Variants in PRKN observed in about 807,000 individuals in gnomAD.
PRKN encodes parkin RBR E3 ubiquitin protein ligase.
PRKN carries 56 observed loss-of-function variants against 59.5 expected under a neutral mutation model. That is an observed-to-expected ratio of 0.94 (90% confidence interval 0.76 to 1.18). PRKN has a LOEUF of 1.18. Among genes scored for constraint, PRKN ranks in the 50% most tolerant of loss-of-function variants. The pLI is 0.00. For synonymous variants in PRKN, 250 were observed against 222.1 expected (o/e 1.13, Z -1.12); for missense variants, 657 against 596.4 (o/e 1.10, Z -1.06).
intron 7 of PRKN, among the ~76,000 whole-genome samples, chr6:161,753,407 AG>A (rs1000625276): frequency 5.9e-5 from 9 of 152,112 alleles, no homozygotes; most frequent in Admixed American, 2.0e-4. Flanking sequence ...AGTGGGATGG[AG>A]GGGAAAAAAG....
chr6:162,421,883 A>T (rs1358190383), intron 2 of PRKN, among the ~76,000 whole-genome samples: 2 of 152,250 alleles, frequency 1.3e-5, no homozygotes, highest in African/African-American at 4.8e-5. Flanking sequence ...CTAAACTATT[A>T]AAGTATGTAT....
chr6:162,143,992 CATT>C (rs1333622825), intron 4 of PRKN, among the ~76,000 whole-genome samples: 1 of 152,136 alleles, frequency 6.6e-6, no homozygotes, highest in Non-Finnish European at 1.5e-5. Context: ...TTGAATAAGA[CATT>C]ATAAAAATTA....
At chr6:161,824,141 A>ACACC (rs376689816) in intron 6 of PRKN, among the ~76,000 whole-genome samples, 96 of 152,296 alleles carry the variant, frequency 6.3e-4, no homozygotes, top group African/African-American at 2.3e-3. Flanking sequence ...CTGTGTCCAC[A>ACACC]CACCCACCCA....
intron 1 of PRKN, among the ~76,000 whole-genome samples, chr6:162,496,542 A>C (rs1028968111): frequency 6.6e-6 from 1 of 152,184 alleles, no homozygotes; most frequent in Non-Finnish European, 1.5e-5. Flanking sequence ...TTGACTCCTC[A>C]GTAGATAATA....
chr6:161,569,104 C>T (rs563895170), intron 8 of PRKN, among the ~76,000 whole-genome samples: 43 of 152,342 alleles, frequency 2.8e-4, no homozygotes, highest in Non-Finnish European at 5.6e-4. Flanking sequence ...GCAGTGCTTG[C>T]TTCCTGCTTG....
chr6:162,720,633 G>A (rs897538067), intron 1 of PRKN, among the ~76,000 whole-genome samples: 1 of 150,950 alleles, frequency 6.6e-6, no homozygotes, highest in African/African-American at 2.4e-5. Context: ...TGTATTTTTA[G>A]TAGAGACGGG....
chr6:162,211,764 C>A (rs773767254), intron 3 of PRKN, among the ~76,000 whole-genome samples: 1 of 152,126 alleles, frequency 6.6e-6, no homozygotes, highest in Non-Finnish European at 1.5e-5. Flanking sequence ...CTTTAAGCAT[C>A]TTATTTCACC....
intron 1 of PRKN, among the ~76,000 whole-genome samples, chr6:162,637,105 A>C (rs963104770): frequency 6.6e-6 from 1 of 151,956 alleles, no homozygotes; most frequent in African/African-American, 2.4e-5. Flanking sequence ...AAAATAAAAA[A>C]AAATAGCCGG....
chr6:162,100,857 C>T (rs1168264698), intron 4 of PRKN, among the ~76,000 whole-genome samples: 1 of 151,984 alleles, frequency 6.6e-6, no homozygotes, highest in Non-Finnish European at 1.5e-5. Context: ...TTTCATATAC[C>T]TGTTGGCCAT....
intron 7 of PRKN, among the ~76,000 whole-genome samples, chr6:161,705,647 A>G (rs576424423): frequency 3.3e-5 from 5 of 152,310 alleles, no homozygotes; most frequent in African/African-American, 1.2e-4. Context: ...ATGGGAATAA[A>G]AGTACTAAGT....
chr6:161,443,149 A>T (rs931693778), intron 9 of PRKN, among the ~76,000 whole-genome samples: 3 of 151,984 alleles, frequency 2.0e-5, no homozygotes, highest in African/African-American at 7.3e-5. Flanking sequence ...CTCTACTAAA[A>T]ATACAAAATT....
chr6:162,488,027 CT>C (rs752587530), intron 1 of PRKN, among the ~76,000 whole-genome samples: 23,559 of 110,530 alleles, frequency 0.21, 2,467 homozygotes, highest in Middle Eastern at 0.24. Flanking sequence ...CACCATTTCC[CT>C]TTTTTTTTTT....
chr6:161,507,445 G>A (rs1243450934), intron 9 of PRKN, among the ~76,000 whole-genome samples: 1 of 152,156 alleles, frequency 6.6e-6, no homozygotes, highest in Non-Finnish European at 1.5e-5. Context: ...TGGTCTGCCT[G>A]TACATGGCCC....
intron 2 of PRKN, among the ~76,000 whole-genome samples, chr6:162,438,200 A>C (rs916747222): frequency 6.6e-6 from 1 of 152,152 alleles, no homozygotes; most frequent in African/African-American, 2.4e-5. Context: ...TTGTAGGTCA[A>C]GTTTAGAAAT....
chr6:161,659,774 G>T (rs993251), intron 7 of PRKN, among the ~76,000 whole-genome samples: 3 of 151,866 alleles, frequency 2.0e-5, no homozygotes, highest in Non-Finnish European at 4.4e-5. Flanking sequence ...AGTTATGAAT[G>T]GTCTTTCTAA....
intron 1 of PRKN, among the ~76,000 whole-genome samples, chr6:162,694,236 C>CAAAAAAAAAAAAAA: frequency 1.1e-5 from 1 of 93,516 alleles, no homozygotes; most frequent in Non-Finnish European, 2.0e-5. Context: ...AACAGTGAGA[C>CAAAAAAAAAAAAAA]AAAAAAAAAA....
At position 161,579,771 on chromosome 6, in the gene PRKN, T is replaced by C. The variant is rs1252806674; in HGVS notation, c.872-10355A>G. On this transcript the variant is annotated intron_variant, in intron 7 of 11. Coordinates refer to ENST00000366898, the MANE Select transcript of PRKN (RefSeq NM_004562.3). This position sits in a 1 kb window ranked among gnomAD's most constrained non-coding sequence, Gnocchi z 4.2. ...GGGCAGGGGAACAGAAAAGAGTTTA[T>C]AGTTTTACAAGTACTTAATGGTATT... 6.6e-6 allele frequency among the ~76,000 whole-genome samples: 1 copy of C among 152,238 alleles called. No homozygotes were observed. The highest frequency in any genetic ancestry group is 2.4e-5 in the African/African-American group (1 of 41,468).
At chr6:161,829,654 G>A (rs1318873824) in intron 6 of PRKN, among the ~76,000 whole-genome samples, 3 of 151,966 alleles carry the variant, frequency 2.0e-5, no homozygotes, top group Admixed American at 6.6e-5. Flanking sequence ...GCCCCGCAAA[G>A]GCCTCCGCAG....
At chr6:161,651,110 C>G (rs949902381) in intron 7 of PRKN, among the ~76,000 whole-genome samples, 1 of 152,148 alleles carries the variant, frequency 6.6e-6, no homozygotes, top group African/African-American at 2.4e-5. Context: ...AAATCTAATG[C>G]TTGTCTTTAA....
Sources: allele counts gnomAD v4.1 joint callset (sites outside exome capture counted in the v4.1 genomes callset), GRCh38; gene constraint gnomAD v4.1.1; non-coding constraint Gnocchi (gnomAD v3.1); transcripts MANE v1.5; gene names NCBI Gene and HGNC (gene_info 2026-07-23, HGNC 2026-07-21).